PRR35: variants seen among roughly 807,000 people sequenced by gnomAD.
The protein encoded by PRR35 is proline rich 35.
A neutral mutation model predicts 18.6 loss-of-function variants in PRR35; 14 were observed. That is an observed-to-expected ratio of 0.75 (90% confidence interval 0.50 to 1.18). The LOEUF (loss-of-function observed/expected upper bound fraction) is 1.18. Ranked by LOEUF, PRR35 falls within the 50% of genes most tolerant of loss-of-function variation. The pLI is 0.00. For synonymous variants in PRR35, 425 were observed against 378.2 expected (o/e 1.12, Z -1.43); for missense variants, 832 against 792.2 (o/e 1.05, Z -0.60).
Position 563,909 on chromosome 16 carries a change from C to T in PRR35, c.615C>T (p.His205=). The part of the protein sequence containing the change: ...PGEFPEAHSL[H]LSLLGVNYPL... Reference sequence around the variant, plus strand: ...AGTTCCCTGAGGCCCACAGCCTCCACCTGTCTCTGCTGGGCGTCAACTACC... The same window carrying T: ...AGTTCCCTGAGGCCCACAGCCTCCATCTGTCTCTGCTGGGCGTCAACTACC... The change falls in exon 2 of 3, where the codon CAC becomes CAT. Residue 205 remains histidine (H), a synonymous_variant. Transcript: ENST00000409413. 4 of 1,589,842 alleles carry T rather than the reference C, an allele frequency of 2.5e-6. No homozygotes were observed. Among genetic ancestry groups the T allele is most frequent in the Non-Finnish European group, 3.4e-6 (4 of 1,169,424 alleles).
intron 1 of PRR35, among the ~76,000 whole-genome samples, chr16:562,838 C>T (rs2035462009): frequency 6.6e-6 from 1 of 152,208 alleles, no homozygotes; most frequent in African/African-American, 2.4e-5. Flanking sequence ...AGAAATTGGC[C>T]AGCAAGTCGG....
Position 565,106 on chromosome 16 carries a change from C to T in PRR35, c.1515C>T (p.Gly505=), listed in dbSNP as rs2035513748. 3 of 1,598,928 alleles carry T rather than the reference C, an allele frequency of 1.9e-6. No homozygotes were observed. The South Asian group carries it at 3.4e-5, about 18-fold the overall frequency. Residue 505 remains glycine (G), a synonymous_variant, in exon 3 of 3, where the codon GGC becomes GGT. Coordinates refer to ENST00000409413, the MANE Select transcript of PRR35 (RefSeq NM_145270.3). Reference sequence around the variant, plus strand: ...CCCCCGAGCCACCCGGCATGCTGGGCCCTGCAGCGCCCCAACCCTTCTCTG... The same window carrying T: ...CCCCCGAGCCACCCGGCATGCTGGGTCCTGCAGCGCCCCAACCCTTCTCTG... ...GGTPEPPGML[G]PAAPQPFSGH... is the part of the protein sequence containing the mutation.
Position 564,771 on chromosome 16 carries a change from CG to C in PRR35, c.1184del (p.Gly395AlafsTer14). ...TGAGGGCCCCCTCCCCCTGCAGCCA[CG>C]GGGCCCAGTGCCAGGAAGCCCGGAG... ...GPEGPLPLQP[R>X]GPVPGSPEHV... On this transcript the variant is annotated frameshift_variant, in exon 3 of 3. Coordinates refer to ENST00000409413, the MANE Select transcript of PRR35 (RefSeq NM_145270.3). LOFTEE classifies it low-confidence loss of function (END_TRUNC). The C allele has an allele frequency of 6.5e-7, 1 of 1,542,664 alleles. No individual in the cohort carries two copies. The highest frequency in any genetic ancestry group is 1.9e-5 in the Admixed American group (1 of 52,260).
intron 1 of PRR35, among the ~76,000 whole-genome samples, chr16:562,128 G>A (rs2035443603): frequency 6.6e-6 from 1 of 152,238 alleles, no homozygotes. Flanking sequence ...CTGGGGCGGT[G>A]GACAGCCCAG....
intron 2 of PRR35, 69 bp downstream of exon 2, chr16:564,445 C>A (rs57546191): frequency 6.5e-7 from 1 of 1,550,328 alleles, no homozygotes; most frequent in South Asian, 1.2e-5. Flanking sequence ...GGCGGTTGGG[C>A]GGCTGGGCAT....
chr16:564,606 G>T, intron 2 of PRR35, 68 bp from the exon 3 acceptor site: 10 of 1,449,992 alleles, frequency 6.9e-6, no homozygotes, highest in Non-Finnish European at 9.1e-6. Context: ...AGGCCGTGAG[G>T]GGAGAGGGGC....
Position 565,462 on chromosome 16 carries a change from CAGGG to C in PRR35, c.*157_*160del. 1 of 699,488 alleles carries C rather than the reference CAGGG, an allele frequency of 1.4e-6. No homozygotes were observed. Among genetic ancestry groups the C allele is most frequent in the Non-Finnish European group, 2.1e-6 (1 of 467,544 alleles). 43.3% of individuals were successfully genotyped at this position (699,488 alleles called of 1,614,324 possible). A position where few individuals can be genotyped will look rare whatever the true frequency, so the allele number is the denominator to read the frequency against. On this transcript the variant is annotated 3_prime_UTR_variant, in exon 3 of 3. Transcript: ENST00000409413. Reference sequence around the variant, plus strand: ...GCCAACGCTTGTCCCTGGGGCCACACAGGGACACTGGAGGTCACAGTTATTTATT... The same window carrying C: ...GCCAACGCTTGTCCCTGGGGCCACACACACTGGAGGTCACAGTTATTTATT...
Position 565,095 on chromosome 16 carries a change from G to A in PRR35, c.1504G>A (p.Gly502Ser), listed in dbSNP as rs74459225. 48,243 of 1,594,120 alleles carry A rather than the reference G, an allele frequency of 0.03. 984 individuals are homozygous for A. Among genetic ancestry groups the A allele is most frequent in the African/African-American group, 0.099 (7,337 of 74,312 alleles). Residue 502 changes from glycine to serine, a missense_variant, in exon 3 of 3, where the codon GGC becomes AGC. By Grantham distance (56) the Gly-to-Ser change is moderately conservative. Around this residue, in one of 3 missense-constraint regions of PRR35, gnomAD observed 768 missense variants for 704.1 expected, o/e 1.09. Transcript: ENST00000409413. ...GACCGGGGGCACCCCCGAGCCACCC[G>A]GCATGCTGGGCCCTGCAGCGCCCCA... ...VLTGGTPEPP[G>S]MLGPAAPQPF... is the part of the protein sequence containing the mutation.
Position 563,923 on chromosome 16 carries a change from G to A in PRR35, c.629G>A (p.Gly210Asp). The A allele has an allele frequency of 6.3e-7, 1 of 1,592,286 alleles. No homozygotes were observed. The highest frequency in any genetic ancestry group is 8.5e-7 in the Non-Finnish European group (1 of 1,170,720). The change falls in exon 2 of 3, where the codon GGC (glycine) becomes GAC (aspartate). Residue 210 changes from glycine (G) to aspartate (D), a missense_variant. Gly to Asp is a moderately conservative substitution (Grantham distance 94). Coordinates refer to ENST00000409413, the MANE Select transcript of PRR35 (RefSeq NM_145270.3). ...EAHSLHLSLL[G>D]VNYPLSPGLF... The stretch of plus-strand genomic sequence containing the variant: ...CACAGCCTCCACCTGTCTCTGCTGG[G>A]CGTCAACTACCCGCTCAGCCCCGGC...
chr16:564,756 C>G lies in PRR35; in HGVS notation c.1165C>G (p.Leu389Val). The change falls in exon 3 of 3, where the codon CTC (leucine) becomes GTC (valine). Residue 389 changes from leucine to valine, a missense_variant. Coordinates refer to ENST00000409413, the MANE Select transcript of PRR35 (RefSeq NM_145270.3). ...GPETPGPEGP[L>V]PLQPRGPVPG... ...TGAGACCCCCGGCCCTGAGGGCCCC[C>G]TCCCCCTGCAGCCACGGGGCCCAGT... 5.9e-6 allele frequency: 9 copies of G among 1,538,198 alleles called. No homozygotes were observed. Among genetic ancestry groups the G allele is most frequent in the Non-Finnish European group, 7.8e-6 (9 of 1,148,096 alleles).
intron 1 of PRR35, chr16:561,740 C>G (rs2035438713): frequency 2.0e-6 from 2 of 985,438 alleles, no homozygotes; most frequent in South Asian, 4.7e-5. Context: ...AGTGCCCCAG[C>G]CCTACCCTGC....
chr16:564,871 C>T lies in PRR35; in HGVS notation c.1280C>T (p.Pro427Leu), dbSNP rs1281286277. ...RVEQRLGQLG[P>L]AGGLAPRPLR... ...GAGCAGCGCCTGGGACAGTTGGGGC[C>T]CGCGGGGGGCCTGGCCCCGAGACCC... The change falls in exon 3 of 3, where the codon CCC becomes CTC. Residue 427 changes from proline to leucine, a missense_variant. Physicochemically the swap from Pro to Leu is moderately conservative, Grantham distance 98. Around this residue, in one of 3 missense-constraint regions of PRR35, gnomAD observed 768 missense variants for 704.1 expected, o/e 1.09. Coordinates refer to ENST00000409413, the MANE Select transcript of PRR35 (RefSeq NM_145270.3). The T allele has an allele frequency of 6.4e-7, 1 of 1,566,226 alleles. No individual in the cohort carries two copies. Among genetic ancestry groups the T allele is most frequent in the Non-Finnish European group, 8.6e-7 (1 of 1,160,838 alleles).
At chr16:560,828 C>CGG (rs2038090279) in intron 1 of PRR35, 167 bp downstream of exon 1, 1 of 332,960 alleles carries the variant, frequency 3.0e-6, no homozygotes, top group Non-Finnish European at 4.2e-6. Flanking sequence ...GAGGGAGGGC[C>CGG]GCCCTCAGGG....
chr16:560,524 G>A lies in PRR35; in HGVS notation c.-177G>A. On this transcript the variant is annotated 5_prime_UTR_variant, in exon 1 of 3. Coordinates refer to ENST00000409413, the MANE Select transcript of PRR35 (RefSeq NM_145270.3). ...CGCCGGGCCTCAGTTTCCCCCACGGGAGCCGCATCCCACCCCCAGAGCCCC... is the reference window on the plus strand; with the variant it reads ...CGCCGGGCCTCAGTTTCCCCCACGGAAGCCGCATCCCACCCCCAGAGCCCC... 9 of 982,946 alleles carry A rather than the reference G, an allele frequency of 9.2e-6. No individual in the cohort carries two copies. The highest frequency in any genetic ancestry group is 1.8e-5 in the African/African-American group (1 of 57,124). The allele number at this position is 982,946 out of a possible 1,614,324, so 60.9% of individuals were successfully genotyped here.
chr16:560,378 G>C (rs1414682717), upstream of PRR35: 1 of 911,094 alleles, frequency 1.1e-6, no homozygotes, highest in African/African-American at 1.8e-5. Context: ...GCGCACGCGC[G>C]CCCGCCTCTG....
At position 560,574 on chromosome 16, in the gene PRR35, C is replaced by A; in HGVS notation, c.-127C>A. 1 of 983,074 alleles carries A rather than the reference C, an allele frequency of 1.0e-6. No homozygotes were observed. Among genetic ancestry groups the A allele is most frequent in the Middle Eastern group, 5.2e-4 (1 of 1,908 alleles). The allele number at this position is 983,074 out of a possible 1,614,324, so 60.9% of individuals were successfully genotyped here. A position where few individuals can be genotyped will look rare whatever the true frequency, so the allele number is the denominator to read the frequency against. Reference sequence around the variant, plus strand: ...CAGCGCGTCCGCGGGGTCCGAGTCGCGGCCGGCGCGGGGCGGGGAGGGGCG... The same window carrying A: ...CAGCGCGTCCGCGGGGTCCGAGTCGAGGCCGGCGCGGGGCGGGGAGGGGCG... On this transcript the variant is annotated 5_prime_UTR_variant, in exon 1 of 3. Transcript: ENST00000409413.
chr16:564,839 C>A lies in PRR35; in HGVS notation c.1248C>A (p.Ala416=). 1 of 1,559,480 alleles carries A rather than the reference C, an allele frequency of 6.4e-7. No homozygotes were observed. Residue 416 remains alanine, a synonymous_variant, in exon 3 of 3, where the codon GCC becomes GCA. Transcript: ENST00000409413. Reference sequence around the variant, plus strand: ...TGACCCGAGCCCTCGGTGACTACGCCAGGGTGGAGCAGCGCCTGGGACAGT... The same window carrying A: ...TGACCCGAGCCCTCGGTGACTACGCAAGGGTGGAGCAGCGCCTGGGACAGT... ...EDLTRALGDY[A]RVEQRLGQLG... is the part of the protein sequence containing the mutation.
At chr16:561,404 C>T (rs1377011520) in intron 1 of PRR35, among the ~76,000 whole-genome samples, 1 of 152,138 alleles carries the variant, frequency 6.6e-6, no homozygotes, top group African/African-American at 2.4e-5. Context: ...GCACAGCCGC[C>T]TCTGTCGCCG....
chr16:563,640 C>T lies in PRR35; in HGVS notation c.346C>T (p.Leu116Phe), dbSNP rs1340870375. 1.9e-6 allele frequency: 3 copies of T among 1,578,632 alleles called. No homozygotes were observed. The highest frequency in any genetic ancestry group is 2.6e-6 in the Non-Finnish European group (3 of 1,169,070). Residue 116 changes from leucine to phenylalanine, a missense_variant, in exon 2 of 3, where the codon CTC (leucine) becomes TTC (phenylalanine). By Grantham distance (22) the Leu-to-Phe change is conservative. This residue lies in a region of PRR35 where 768 missense variants were observed against 704.1 expected (regional missense o/e 1.09). Transcript: ENST00000409413. The stretch of plus-strand genomic sequence containing the variant: ...CACAGGTGCTGCCCCCGCGCCTGAC[C>T]TCGTGGTCGCCGACATCCACTCCCT... ...RPTGAAPAPD[L>F]VVADIHSLHC...
Sources: allele counts gnomAD v4.1 joint callset (sites outside exome capture counted in the v4.1 genomes callset), GRCh38; gene constraint gnomAD v4.1.1; regional missense constraint gnomAD v4.1.1; transcripts MANE v1.5; gene names NCBI Gene and HGNC (gene_info 2026-07-23, HGNC 2026-07-21).